The following NEK11 variants were observed in gnomAD, a reference collection of about 807,000 sequenced individuals.
The protein encoded by NEK11 is NIMA related kinase 11.
A neutral mutation model predicts 80.7 loss-of-function variants in NEK11; 72 were observed. The observed-to-expected ratio is 0.89, with a 90% CI of 0.74 to 1.08. The LOEUF (loss-of-function observed/expected upper bound fraction) is 1.08, where lower values mean the gene tolerates loss of function less well. Ranked by LOEUF, NEK11 falls within the 50% of genes least tolerant of loss-of-function variation. NEK11 has a pLI of 0.00. For synonymous variants in NEK11, 251 were observed against 260.7 expected (o/e 0.96, Z 0.36); for missense variants, 764 against 763.6 (o/e 1.00, Z -0.01).
At chr3:131,170,147 A>G (rs574858286) in intron 13 of NEK11, among the ~76,000 whole-genome samples, 2 of 152,326 alleles carry the variant, frequency 1.3e-5, no homozygotes, top group African/African-American at 4.8e-5. Context: ...AAATAGATCA[A>G]CTCAGCACCA....
At chr3:131,053,096 C>A (rs1409394308) in intron 3 of NEK11, among the ~76,000 whole-genome samples, 1 of 151,922 alleles carries the variant, frequency 6.6e-6, no homozygotes. Context: ...ACCATGGGCC[C>A]CATATTCAAA....
At chr3:131,239,387 C>A (rs61684170) in intron 15 of NEK11, among the ~76,000 whole-genome samples, 31,772 of 152,024 alleles carry the variant, frequency 0.21, 6,560 homozygotes, top group African/African-American at 0.53. Flanking sequence ...CTATATATAC[C>A]TTTATAGGTC....
intron 16 of NEK11, among the ~76,000 whole-genome samples, chr3:131,255,219 C>T (rs1358181769): frequency 1.3e-5 from 2 of 152,062 alleles, no homozygotes; most frequent in Non-Finnish European, 2.9e-5. Context: ...GATATGGAGA[C>T]AGAATTTTCA....
At chr3:131,217,115 C>T (rs548156642) in intron 14 of NEK11, among the ~76,000 whole-genome samples, 7 of 152,204 alleles carry the variant, frequency 4.6e-5, no homozygotes, top group African/African-American at 1.4e-4. Context: ...GAGGCCCAGC[C>T]GATGACTCAC....
Position 131,145,802 on chromosome 3 carries a change from A to G in NEK11, c.648-6586A>G, listed in dbSNP as rs376768460. 6.2e-4 allele frequency among the ~76,000 whole-genome samples: 94 copies of G among 152,176 alleles called. 3 individuals are homozygous for G. The South Asian group carries it at 0.018, about 29-fold the overall frequency. ...AACCTTGAACAATTTACCTAATCTT[A>G]TGGTTTTCTCATCTGAAAAATGGGA... On this transcript the variant is annotated intron_variant, in intron 7 of 17. Transcript: ENST00000383366.
At chr3:131,043,487 A>G (rs2066859144) in intron 3 of NEK11, among the ~76,000 whole-genome samples, 1 of 152,224 alleles carries the variant, frequency 6.6e-6, no homozygotes, top group Non-Finnish European at 1.5e-5. Context: ...CAATAGTCAA[A>G]TCAATCAAGT....
chr3:131,192,051 G>T (rs1443694350), intron 14 of NEK11, among the ~76,000 whole-genome samples: 1 of 151,988 alleles, frequency 6.6e-6, no homozygotes, highest in African/African-American at 2.4e-5. Flanking sequence ...TCCAATAAGG[G>T]ATTAATATCC....
At chr3:131,071,115 C>CT (rs1295065007) in intron 3 of NEK11, among the ~76,000 whole-genome samples, 4 of 151,970 alleles carry the variant, frequency 2.6e-5, no homozygotes, top group African/African-American at 7.2e-5. Context: ...AGAGCAAAAC[C>CT]TTTTTTTTCA....
chr3:131,345,195 G>T (rs1372149291), intron 17 of NEK11, among the ~76,000 whole-genome samples: 1 of 151,646 alleles, frequency 6.6e-6, no homozygotes, highest in African/African-American at 2.4e-5. Flanking sequence ...AAATTAATGG[G>T]AGTATGTAAA....
intron 14 of NEK11, among the ~76,000 whole-genome samples, chr3:131,219,094 G>A (rs1252821251): frequency 6.6e-6 from 1 of 152,128 alleles, no homozygotes; most frequent in East Asian, 1.9e-4. Context: ...ACATGCACAT[G>A]TATGTTTATT....
At chr3:131,197,861 T>C (rs1218342249) in intron 14 of NEK11, among the ~76,000 whole-genome samples, 1 of 152,174 alleles carries the variant, frequency 6.6e-6, no homozygotes, top group African/African-American at 2.4e-5. Context: ...GCAGCTCTTT[T>C]GACTTCAATA....
intron 14 of NEK11, among the ~76,000 whole-genome samples, chr3:131,203,765 GTGTATATATATATATATATATA>G (rs1195714130): frequency 3.8e-4 from 40 of 104,296 alleles, no homozygotes; most frequent in African/African-American, 1.2e-3. Flanking sequence ...GTGTGTGTGT[GTGTATATATATATATATATATA>G]TATATATATA....
At chr3:131,051,731 G>A (rs2068450035) in intron 3 of NEK11, among the ~76,000 whole-genome samples, 1 of 151,960 alleles carries the variant, frequency 6.6e-6, no homozygotes, top group African/African-American at 2.4e-5. Context: ...TGTCCAGTCT[G>A]GTCTCAAACT....
At chr3:131,336,473 T>C (rs1268824628) in intron 17 of NEK11, among the ~76,000 whole-genome samples, 2 of 152,332 alleles carry the variant, frequency 1.3e-5, no homozygotes, top group South Asian at 4.1e-4. Flanking sequence ...TAATTCAAGA[T>C]GGTTTAAAGA....
intron 17 of NEK11, among the ~76,000 whole-genome samples, chr3:131,295,803 T>C (rs1419385144): frequency 6.6e-6 from 1 of 152,218 alleles, no homozygotes; most frequent in Non-Finnish European, 1.5e-5. Flanking sequence ...ATTGGCTGTA[T>C]ACATTTACAA....
intron 17 of NEK11, among the ~76,000 whole-genome samples, chr3:131,345,125 T>C (rs753781603): frequency 6.6e-6 from 1 of 152,208 alleles, no homozygotes; most frequent in South Asian, 2.1e-4. Context: ...CTTGGTTTGA[T>C]TAATTTTTTT....
intron 17 of NEK11, among the ~76,000 whole-genome samples, chr3:131,312,225 T>C (rs543199158): frequency 1.3e-5 from 2 of 152,314 alleles, no homozygotes; most frequent in South Asian, 2.1e-4. Flanking sequence ...AATTTTATGA[T>C]CTTGGGCAGG....
intron 17 of NEK11, among the ~76,000 whole-genome samples, chr3:131,289,103 G>C (rs1270164136): frequency 6.6e-6 from 1 of 152,210 alleles, no homozygotes; most frequent in East Asian, 1.9e-4. Context: ...TTGAAGGCTG[G>C]AAGTCCAAGA....
chr3:131,273,619 G>C (rs2096241227), intron 17 of NEK11, 45 bp downstream of exon 17: 6 of 1,412,116 alleles, frequency 4.2e-6, no homozygotes, highest in Non-Finnish European at 6.0e-6. Flanking sequence ...CAGTGTTAAA[G>C]CATATTGACC....
Sources: allele counts gnomAD v4.1 joint callset (sites outside exome capture counted in the v4.1 genomes callset), GRCh38; gene constraint gnomAD v4.1.1; transcripts MANE v1.5; gene names NCBI Gene and HGNC (gene_info 2026-07-23, HGNC 2026-07-21).